Variants in DHTKD1 observed in about 807,000 individuals in gnomAD.
The protein encoded by DHTKD1 is dehydrogenase E1 and transketolase domain containing 1.
Under a neutral mutation model 101.8 loss-of-function variants are expected in DHTKD1, and 78 were observed. The ratio of observed to expected loss-of-function variants is 0.77; its 90% CI spans 0.64 to 0.93. The LOEUF (loss-of-function observed/expected upper bound fraction) is 0.93, where lower values mean the gene tolerates loss of function less well. Ranked by LOEUF, DHTKD1 falls within the 40% of genes least tolerant of loss-of-function variation. The pLI, the probability that DHTKD1 is intolerant of heterozygous loss-of-function variation, is 0.00. For missense variants in DHTKD1, 1,223 were observed against 1,161.7 expected, an observed-to-expected ratio of 1.05 and a Z score of -0.77; for synonymous variants, 462 against 450.3, an observed-to-expected ratio of 1.03 and a Z score of -0.33.
chr10:12,108,067 C>A, intron 12 of DHTKD1, 52 bp downstream of exon 12: 2 of 1,366,788 alleles, frequency 1.5e-6, no homozygotes, highest in Non-Finnish European at 2.1e-6. Context: ...CTTCCTAGAG[C>A]TTTTCTACCT....
intron 1 of DHTKD1, among the ~76,000 whole-genome samples, chr10:12,071,893 A>T (rs894339632): frequency 1.3e-5 from 2 of 152,260 alleles, no homozygotes; most frequent in African/African-American, 4.8e-5. Context: ...TTTGTGACAT[A>T]TAGTACATTT....
intron 3 of DHTKD1, among the ~76,000 whole-genome samples, chr10:12,085,110 A>G (rs1296993514): frequency 6.6e-6 from 1 of 152,014 alleles, no homozygotes; most frequent in Non-Finnish European, 1.5e-5. Flanking sequence ...CTATAAAGAT[A>G]TATAGCCTGG....
At chr10:12,077,712 T>C (rs1832755445) in intron 1 of DHTKD1, among the ~76,000 whole-genome samples, 1 of 152,182 alleles carries the variant, frequency 6.6e-6, no homozygotes, top group South Asian at 2.1e-4. Context: ...CCTACGTTTG[T>C]CTTCAAGATT....
intron 1 of DHTKD1, among the ~76,000 whole-genome samples, 188 bp downstream of exon 1, chr10:12,069,375 C>G (rs867922708): frequency 3.3e-5 from 5 of 152,144 alleles, no homozygotes; most frequent in Admixed American, 6.5e-5. Flanking sequence ...CATCCCCCGT[C>G]CATCCTCTGT....
At chr10:12,115,568 G>C (rs1833403270) in intron 13 of DHTKD1, among the ~76,000 whole-genome samples, 1 of 152,108 alleles carries the variant, frequency 6.6e-6, no homozygotes, top group Non-Finnish European at 1.5e-5. Context: ...CAATAGCCAG[G>C]AAATGGATTT....
Position 12,118,919 on chromosome 10 carries a change from G to T in DHTKD1, c.2572+1G>T, listed in dbSNP as rs776390640. 1 of 1,538,992 alleles carries T rather than the reference G, an allele frequency of 6.5e-7. No individual in the cohort carries two copies. Among genetic ancestry groups the T allele is most frequent in the Non-Finnish European group, 8.8e-7 (1 of 1,141,978 alleles). ...ATGAGCAAATACAAACATGTTAAAGGTAAGAGGTTGTTCTCATTTGGGTTT... is the reference window on the plus strand; with the variant it reads ...ATGAGCAAATACAAACATGTTAAAGTTAAGAGGTTGTTCTCATTTGGGTTT... On this transcript the variant is annotated splice_donor_variant, in intron 15 of 16. Coordinates refer to ENST00000263035, the MANE Select transcript of DHTKD1 (RefSeq NM_018706.7). LOFTEE classifies it high-confidence loss of function.
intron 6 of DHTKD1, among the ~76,000 whole-genome samples, chr10:12,092,733 G>A (rs570120151): frequency 2.0e-5 from 3 of 151,954 alleles, no homozygotes; most frequent in Non-Finnish European, 2.9e-5. Context: ...AACCTGGGAG[G>A]CGGAGGTTGC....
At chr10:12,106,136 A>G in intron 10 of DHTKD1, 110 bp from the exon 11 acceptor site, 1 of 1,118,008 alleles carries the variant, frequency 8.9e-7, no homozygotes, top group South Asian at 1.4e-5. Flanking sequence ...GTGGTGATGA[A>G]CGAGAGCAAG....
chr10:12,107,936 G>A lies in DHTKD1; in HGVS notation c.2075G>A (p.Gly692Asp). The change falls in exon 12 of 17, where the codon GGC becomes GAC. Residue 692 changes from glycine to aspartate, a missense_variant. Transcript: ENST00000263035. This position sits in a 1 kb window ranked among gnomAD's most constrained non-coding sequence, Gnocchi z 4.1. Reference protein sequence around the residue: ...GGEAKWLLQSGIVILLPHGYD... With the variant: ...GGEAKWLLQSDIVILLPHGYD... ...GAGGCCAAGTGGCTCCTACAAAGCGGCATCGTCATCCTCCTTCCACATGGC... is the reference window on the plus strand; with the variant it reads ...GAGGCCAAGTGGCTCCTACAAAGCGACATCGTCATCCTCCTTCCACATGGC... 6.2e-7 allele frequency: 1 copy of A among 1,613,864 alleles called. No homozygotes were observed. The highest frequency in any genetic ancestry group is 8.5e-7 in the Non-Finnish European group (1 of 1,179,816).
intron 9 of DHTKD1, among the ~76,000 whole-genome samples, chr10:12,100,608 C>T (rs1016635884): frequency 6.6e-6 from 1 of 152,072 alleles, no homozygotes; most frequent in Non-Finnish European, 1.5e-5. Context: ...CTTTTAATCA[C>T]GTTTGCTACC....
At chr10:12,070,631 G>A (rs1190334278) in intron 1 of DHTKD1, among the ~76,000 whole-genome samples, 2 of 152,266 alleles carry the variant, frequency 1.3e-5, no homozygotes, top group East Asian at 3.9e-4. Context: ...TGGGATTACA[G>A]GCACCTGCCA....
intron 13 of DHTKD1, 45 bp from the exon 14 acceptor site, chr10:12,117,628 C>A: frequency 8.7e-7 from 1 of 1,154,834 alleles, no homozygotes; most frequent in Non-Finnish European, 1.3e-6. Context: ...ACAGCATCAC[C>A]TCTTTCTGTT....
intron 10 of DHTKD1, among the ~76,000 whole-genome samples, chr10:12,101,744 C>G (rs962648724): frequency 6.6e-6 from 1 of 152,066 alleles, no homozygotes; most frequent in Non-Finnish European, 1.5e-5. Context: ...GCTGGGACCA[C>G]GGGAATGAGG....
In DHTKD1 at chr10:12,081,595, T is replaced by C. The variant is rs772184008; in HGVS notation, c.278T>C (p.Val93Ala). ...LENVPEIQAL[V>A]QTLQGPFHTA... ...AATGTGCCTGAAATCCAAGCCCTGGTGCAGACACTGCAGGGACCCTTCCAC... is the reference window on the plus strand; with the variant it reads ...AATGTGCCTGAAATCCAAGCCCTGGCGCAGACACTGCAGGGACCCTTCCAC... Residue 93 changes from valine to alanine, a missense_variant, in exon 2 of 17, where the codon GTG (valine) becomes GCG (alanine). Physicochemically the swap from Val to Ala is moderately conservative, Grantham distance 64. Transcript: ENST00000263035. 2 of 1,614,006 alleles carry C rather than the reference T, an allele frequency of 1.2e-6. No individual in the cohort carries two copies. Among genetic ancestry groups the C allele is most frequent in the African/African-American group, 1.3e-5 (1 of 74,906 alleles).
chr10:12,087,829 T>C lies in DHTKD1; in HGVS notation c.717+100T>C. Reference sequence around the variant, plus strand: ...TGGTGATAAATGATGGTGATGGTGATGGCCGGGCACTGTGGCTCACACCTG... The same window carrying C: ...TGGTGATAAATGATGGTGATGGTGACGGCCGGGCACTGTGGCTCACACCTG... On this transcript the variant is annotated intron_variant, in intron 4 of 16. Coordinates refer to ENST00000263035, the MANE Select transcript of DHTKD1 (RefSeq NM_018706.7). This position sits in a 1 kb window ranked among gnomAD's most constrained non-coding sequence, Gnocchi z 5.2. 7 of 1,126,376 alleles carry C rather than the reference T, an allele frequency of 6.2e-6. 1 individual carries two copies. In the South Asian group the frequency reaches 1.2e-4, roughly 20 times the overall value. The allele number at this position is 1,126,376 out of a possible 1,614,324, so 69.8% of individuals were successfully genotyped here.
In DHTKD1 at chr10:12,107,474, G is replaced by A. The variant is rs1478909922; in HGVS notation, c.2048-435G>A. ...ACTCTGTCCCTCAGGCTGGTGTGCA[G>A]TGGCATGATCTCAGGACACTGCAAC... On this transcript the variant is annotated intron_variant, in intron 11 of 16. Coordinates refer to ENST00000263035, the MANE Select transcript of DHTKD1 (RefSeq NM_018706.7). This position sits in a 1 kb window ranked among gnomAD's most constrained non-coding sequence, Gnocchi z 4.1. Among the ~76,000 whole-genome samples, 1 of 152,012 alleles carries A rather than the reference G, an allele frequency of 6.6e-6. No homozygotes were observed. Among genetic ancestry groups the A allele is most frequent in the Admixed American group, 6.6e-5 (1 of 15,230 alleles).
Position 12,110,533 on chromosome 10 carries a change from A to G in DHTKD1, c.2155-2367A>G, listed in dbSNP as rs1376556442. ...AACATTTTTAATTGACAAATGTACA[A>G]TTGTATATATGAATAGTATAAAATG... On this transcript the variant is annotated intron_variant, in intron 12 of 16. Coordinates refer to ENST00000263035, the MANE Select transcript of DHTKD1 (RefSeq NM_018706.7). This position sits in a 1 kb window ranked among gnomAD's most constrained non-coding sequence, Gnocchi z 4.9. Among the ~76,000 whole-genome samples the G allele has an allele frequency of 1.3e-5, 2 of 152,208 alleles. No homozygotes were observed. The highest frequency in any genetic ancestry group is 2.9e-5 in the Non-Finnish European group (2 of 68,042).
chr10:12,101,408 A>G (rs957675529), intron 10 of DHTKD1, among the ~76,000 whole-genome samples: 11 of 152,198 alleles, frequency 7.2e-5, no homozygotes, highest in African/African-American at 2.7e-4. Flanking sequence ...AATCATGTAA[A>G]TGTCAAATCA....
At chr10:12,077,113 TATACTA>T (rs1832745323) in intron 1 of DHTKD1, among the ~76,000 whole-genome samples, 1 of 150,128 alleles carries the variant, frequency 6.7e-6, no homozygotes, top group Admixed American at 6.7e-5. Context: ...TATAATTACA[TATACTA>T]ATACATATAC....
Sources: allele counts gnomAD v4.1 joint callset (sites outside exome capture counted in the v4.1 genomes callset), GRCh38; gene constraint gnomAD v4.1.1; non-coding constraint Gnocchi (gnomAD v3.1); transcripts MANE v1.5; gene names NCBI Gene and HGNC (gene_info 2026-07-23, HGNC 2026-07-21).